The following EFCAB6 variants were observed in gnomAD, a reference collection of about 807,000 sequenced individuals.
The protein encoded by EFCAB6 is EF-hand calcium binding domain 6.
Under a neutral mutation model 169.8 loss-of-function variants are expected in EFCAB6, and 156 were observed. The observed-to-expected ratio is 0.92, with a 90% confidence interval of 0.81 to 1.05. The LOEUF (loss-of-function observed/expected upper bound fraction) is 1.05, where lower values mean the gene tolerates loss of function less well. Among genes scored for constraint, EFCAB6 ranks in the 50% least tolerant of loss-of-function variants. The pLI, the probability that EFCAB6 is intolerant of heterozygous loss-of-function variation, is 0.00. For missense variants in EFCAB6, 1,800 were observed against 1,829.1 expected (o/e 0.98, Z 0.29); for synonymous variants, 698 against 676.4 (o/e 1.03, Z -0.50).
Position 43,540,167 on chromosome 22 carries a change from T to C in EFCAB6, c.3839A>G (p.Gln1280Arg), listed in dbSNP as rs377450461. The change falls in exon 28 of 32, where the codon CAG becomes CGG. Residue 1280 changes from glutamine (Q) to arginine (R), a missense_variant. Physicochemically the swap from Gln to Arg is conservative, Grantham distance 43. Transcript: ENST00000262726. ...GTRSALSLPT[Q>R]ELRPGSKSQS... Reference sequence around the variant, plus strand: ...CGACTTTGACCCTGGTCTCAGCTCCTGAGTGGGCAATGAGAGGGCAGATCT... The same window carrying C: ...CGACTTTGACCCTGGTCTCAGCTCCCGAGTGGGCAATGAGAGGGCAGATCT... 2.5e-6 allele frequency: 4 copies of C among 1,614,184 alleles called. No homozygotes were observed. The highest frequency in any genetic ancestry group is 2.5e-6 in the Non-Finnish European group (3 of 1,180,026).
intron 11 of EFCAB6, among the ~76,000 whole-genome samples, chr22:43,684,908 A>C (rs538607806): frequency 1.3e-5 from 2 of 152,334 alleles, no homozygotes; most frequent in Admixed American, 1.3e-4. Flanking sequence ...CCACTAGATC[A>C]GTGCAGGTTT....
At chr22:43,547,087 A>G (rs1397800566) in intron 27 of EFCAB6, among the ~76,000 whole-genome samples, 1 of 152,188 alleles carries the variant, frequency 6.6e-6, no homozygotes, top group Non-Finnish European at 1.5e-5. Context: ...TGACCACTGT[A>G]TAAAACAGTC....
intron 10 of EFCAB6, among the ~76,000 whole-genome samples, chr22:43,698,233 G>A (rs914793235): frequency 6.6e-6 from 1 of 152,136 alleles, no homozygotes; most frequent in Non-Finnish European, 1.5e-5. Context: ...CCAACACTGA[G>A]CCCTCAGCCC....
At chr22:43,641,531 G>A (rs754213677) in intron 17 of EFCAB6, among the ~76,000 whole-genome samples, 9 of 151,144 alleles carry the variant, frequency 6.0e-5, no homozygotes, top group South Asian at 4.2e-4. Flanking sequence ...CAGGAGGATC[G>A]CTTGAACCTG....
chr22:43,775,192 T>C (rs1278317128), intron 3 of EFCAB6, among the ~76,000 whole-genome samples: 1 of 152,088 alleles, frequency 6.6e-6, no homozygotes, highest in East Asian at 1.9e-4. Flanking sequence ...CCTGGGTGGC[T>C]GGGCAGGGGC....
chr22:43,734,819 T>C (rs760078634), intron 7 of EFCAB6, among the ~76,000 whole-genome samples: 1 of 152,206 alleles, frequency 6.6e-6, no homozygotes, highest in Non-Finnish European at 1.5e-5. Flanking sequence ...GCAGCATCAG[T>C]GACATGTCAC....
chr22:43,580,420 A>G (rs2050644321), intron 25 of EFCAB6, 44 bp downstream of exon 25: 2 of 1,598,812 alleles, frequency 1.3e-6, no homozygotes, highest in African/African-American at 1.3e-5. Context: ...GTTTTCATGA[A>G]TCAAGATGAG....
chr22:43,612,890 T>C (rs2053416037), intron 21 of EFCAB6, among the ~76,000 whole-genome samples: 1 of 140,620 alleles, frequency 7.1e-6, no homozygotes, highest in African/African-American at 2.7e-5. Context: ...TGAGACTCCA[T>C]CTCAATTAAA....
chr22:43,633,268 G>A (rs142327754), intron 18 of EFCAB6, among the ~76,000 whole-genome samples: 40 of 152,268 alleles, frequency 2.6e-4, no homozygotes, highest in African/African-American at 9.6e-4. Context: ...ACTCCATGTC[G>A]GCCAGGCACG....
At chr22:43,650,650 C>CA (rs896005353) in intron 17 of EFCAB6, among the ~76,000 whole-genome samples, 38 of 152,118 alleles carry the variant, frequency 2.5e-4, no homozygotes, top group African/African-American at 7.5e-4. Context: ...TTGGAGGGCT[C>CA]ATAAGAAGAT....
At chr22:43,691,369 T>C (rs1603229190) in intron 10 of EFCAB6, among the ~76,000 whole-genome samples, 1 of 152,166 alleles carries the variant, frequency 6.6e-6, no homozygotes. Flanking sequence ...TCAGCTTCTA[T>C]ATATTATGTT....
chr22:43,696,708 T>G (rs1230896557), intron 10 of EFCAB6, among the ~76,000 whole-genome samples: 2 of 152,170 alleles, frequency 1.3e-5, no homozygotes, highest in Non-Finnish European at 2.9e-5. Flanking sequence ...AGACTACCAC[T>G]GTATGACTCC....
intron 12 of EFCAB6, among the ~76,000 whole-genome samples, chr22:43,683,052 G>A (rs1007979402): frequency 6.6e-6 from 1 of 152,144 alleles, no homozygotes; most frequent in South Asian, 2.1e-4. Flanking sequence ...GGAGGCTGAT[G>A]CTGAGCTAAG....
At chr22:43,806,658 G>A (rs1166507916) in intron 2 of EFCAB6, among the ~76,000 whole-genome samples, 2 of 152,148 alleles carry the variant, frequency 1.3e-5, no homozygotes, top group Non-Finnish European at 2.9e-5. Context: ...TTCTTACCCA[G>A]TGCTCCCAAC....
intron 13 of EFCAB6, among the ~76,000 whole-genome samples, chr22:43,677,363 T>C (rs372060569): frequency 5.9e-5 from 9 of 152,276 alleles, no homozygotes; most frequent in Admixed American, 6.5e-5. Flanking sequence ...AAGACATGGC[T>C]GTGGCCAGGC....
intron 6 of EFCAB6, 77 bp from the exon 7 acceptor site, chr22:43,736,070 T>A (rs963050967): frequency 7.3e-6 from 10 of 1,362,872 alleles, no homozygotes; most frequent in Non-Finnish European, 9.8e-6. Flanking sequence ...ATGTGAAAGT[T>A]TTTTTTAATA....
intron 26 of EFCAB6, among the ~76,000 whole-genome samples, chr22:43,564,846 C>G (rs1028179400): frequency 1.3e-5 from 2 of 152,226 alleles, no homozygotes; most frequent in Admixed American, 1.3e-4. Context: ...TGAACGACTT[C>G]TATGGATGAT....
At chr22:43,574,546 C>A (rs1474346160) in intron 26 of EFCAB6, among the ~76,000 whole-genome samples, 3 of 151,998 alleles carry the variant, frequency 2.0e-5, no homozygotes, top group African/African-American at 7.3e-5. Flanking sequence ...TGTCATCATC[C>A]CCATCATCGT....
chr22:43,640,107 T>G (rs1448269912), intron 17 of EFCAB6, among the ~76,000 whole-genome samples: 1 of 152,166 alleles, frequency 6.6e-6, no homozygotes, highest in Non-Finnish European at 1.5e-5. Context: ...CTTTGAGTGT[T>G]AATTCTAACA....
Sources: allele counts gnomAD v4.1 joint callset (sites outside exome capture counted in the v4.1 genomes callset), GRCh38; gene constraint gnomAD v4.1.1; transcripts MANE v1.5; gene names NCBI Gene and HGNC (gene_info 2026-07-23, HGNC 2026-07-21).